The following STK32B variants were observed in gnomAD, a reference collection of about 807,000 sequenced individuals.
STK32B encodes serine/threonine-protein kinase 32B.
STK32B carries 43 observed loss-of-function variants against 52.6 expected under a neutral mutation model. The ratio of observed to expected loss-of-function variants is 0.82; its 90% CI spans 0.64 to 1.05. The LOEUF (loss-of-function observed/expected upper bound fraction) is 1.05, where lower values mean the gene tolerates loss of function less well. STK32B is among the 50% of genes least tolerant of loss of function. The pLI is 0.00. For synonymous variants in STK32B, 238 were observed against 204.3 expected, an observed-to-expected ratio of 1.17 and a Z score of -1.41; for missense variants, 621 against 534.6, an observed-to-expected ratio of 1.16 and a Z score of -1.59.
At chr4:5,348,392 C>T (rs1269729258) in intron 4 of STK32B, among the ~76,000 whole-genome samples, 2 of 152,178 alleles carry the variant, frequency 1.3e-5, no homozygotes, top group African/African-American at 2.4e-5. Flanking sequence ...GCATTCTTCC[C>T]TAGGGCCCAA....
At chr4:5,147,181 C>T (rs77706946) in intron 2 of STK32B, among the ~76,000 whole-genome samples, 13 of 151,636 alleles carry the variant, frequency 8.6e-5, no homozygotes, top group South Asian at 4.2e-4. Flanking sequence ...TTTGGGGGTA[C>T]GGGGGACAGG....
chr4:5,480,176 G>A (rs1051711322), intron 11 of STK32B, among the ~76,000 whole-genome samples: 19 of 152,124 alleles, frequency 1.2e-4, no homozygotes, highest in Non-Finnish European at 2.4e-4. Context: ...TATTGTGTCA[G>A]ACATTATCTT....
At chr4:5,363,976 T>C (rs28499291) in intron 4 of STK32B, among the ~76,000 whole-genome samples, 7,643 of 152,248 alleles carry the variant, frequency 0.05, 300 homozygotes, top group African/African-American at 0.1. Flanking sequence ...GTTCTGTCAA[T>C]ATTTACATAA....
chr4:5,096,684 G>A (rs908836105), intron 1 of STK32B, among the ~76,000 whole-genome samples: 31 of 152,152 alleles, frequency 2.0e-4, no homozygotes, highest in Admixed American at 8.5e-4. Flanking sequence ...GGGGCCAGTC[G>A]CGAACACCAT....
intron 6 of STK32B, among the ~76,000 whole-genome samples, chr4:5,425,149 C>T (rs956855921): frequency 2.3e-4 from 35 of 152,380 alleles, no homozygotes; most frequent in African/African-American, 7.9e-4. Flanking sequence ...CTGGCTTGCC[C>T]TTGGCAGGTT....
intron 7 of STK32B, among the ~76,000 whole-genome samples, chr4:5,455,832 C>G (rs1716457175): frequency 6.6e-6 from 1 of 152,144 alleles, no homozygotes; most frequent in Non-Finnish European, 1.5e-5. Flanking sequence ...ACAGACAGCA[C>G]TAATTTTACT....
intron 3 of STK32B, among the ~76,000 whole-genome samples, chr4:5,209,051 G>A (rs1377241180): frequency 6.6e-6 from 1 of 152,188 alleles, no homozygotes; most frequent in African/African-American, 2.4e-5. Context: ...TCCTTGTCCA[G>A]TGTGCTCTGT....
At chr4:5,220,513 A>C (rs1024320760) in intron 3 of STK32B, among the ~76,000 whole-genome samples, 1 of 152,206 alleles carries the variant, frequency 6.6e-6, no homozygotes, top group Admixed American at 6.5e-5. Context: ...GGTTATAAAG[A>C]GTCAGGGAGA....
At chr4:5,406,135 A>G (rs929715525) in intron 5 of STK32B, among the ~76,000 whole-genome samples, 7 of 152,308 alleles carry the variant, frequency 4.6e-5, no homozygotes, top group African/African-American at 1.4e-4. Flanking sequence ...AAGGAGCCTC[A>G]TGCAAGTCCA....
intron 4 of STK32B, among the ~76,000 whole-genome samples, chr4:5,373,658 C>T (rs539766080): frequency 1.3e-5 from 2 of 152,312 alleles, no homozygotes; most frequent in African/African-American, 4.8e-5. Context: ...TTTGTGTCCC[C>T]CTTATCTCCC....
At chr4:5,326,177 G>A (rs557813955) in intron 3 of STK32B, among the ~76,000 whole-genome samples, 21 of 152,250 alleles carry the variant, frequency 1.4e-4, no homozygotes, top group African/African-American at 5.1e-4. Context: ...TGTGAGTTGA[G>A]AGTACAGAAC....
intron 3 of STK32B, among the ~76,000 whole-genome samples, chr4:5,224,064 C>T (rs1406691015): frequency 2.6e-5 from 4 of 152,144 alleles, no homozygotes; most frequent in Admixed American, 6.5e-5. Flanking sequence ...TTGAATCTCA[C>T]GCATATCTGA....
chr4:5,036,665 T>G, the STK32B span, among the ~76,000 whole-genome samples: 1 of 138,634 alleles, frequency 7.2e-6, no homozygotes, highest in Admixed American at 7.2e-5. Context: ...GTGGATTTTT[T>G]TTTTTTTTTT....
intron 3 of STK32B, among the ~76,000 whole-genome samples, chr4:5,292,701 G>A (rs565329332): frequency 6.6e-5 from 10 of 151,956 alleles, no homozygotes; most frequent in Non-Finnish European, 1.2e-4. Context: ...TGCTTTTGAG[G>A]ACTTAGTGAT....
intron 3 of STK32B, among the ~76,000 whole-genome samples, chr4:5,257,700 T>C (rs73081698): frequency 0.12 from 18,697 of 152,242 alleles, 3,170 homozygotes; most frequent in African/African-American, 0.38. Flanking sequence ...CCCAGCACTT[T>C]GGGAGGCCAA....
intron 1 of STK32B, among the ~76,000 whole-genome samples, chr4:5,052,137 T>G (rs1372723926): frequency 6.6e-6 from 1 of 152,192 alleles, no homozygotes; most frequent in Non-Finnish European, 1.5e-5. Flanking sequence ...GGACGGTGCC[T>G]AGCGCGGGAC....
At chr4:5,296,891 A>G (rs988762729) in intron 3 of STK32B, among the ~76,000 whole-genome samples, 10 of 151,532 alleles carry the variant, frequency 6.6e-5, no homozygotes, top group African/African-American at 2.4e-4. Flanking sequence ...TGTTTTTGCA[A>G]TTCCTGGTTT....
intron 3 of STK32B, among the ~76,000 whole-genome samples, chr4:5,297,601 G>A (rs371035536): frequency 4.1e-5 from 6 of 145,826 alleles, no homozygotes; most frequent in Non-Finnish European, 4.5e-5. Context: ...CAAAGTTCTC[G>A]TGCTGTGTTT....
intron 3 of STK32B, among the ~76,000 whole-genome samples, chr4:5,241,866 G>A (rs1052299147): frequency 2.6e-5 from 4 of 152,092 alleles, no homozygotes; most frequent in Non-Finnish European, 5.9e-5. Context: ...TGAGAATGAC[G>A]GTTTCCAGCT....
Sources: allele counts gnomAD v4.1 joint callset (sites outside exome capture counted in the v4.1 genomes callset), GRCh38; gene constraint gnomAD v4.1.1; transcripts MANE v1.5; gene names NCBI Gene and HGNC (gene_info 2026-07-23, HGNC 2026-07-21).